BMP7: variants seen among roughly 807,000 people sequenced by gnomAD.
BMP7 encodes the protein bone morphogenetic protein 7.
In BMP7, 12 loss-of-function variants were observed where a neutral mutation model predicts 41.2. The ratio of observed to expected loss-of-function variants is 0.29; its 90% CI spans 0.19 to 0.47. BMP7 has a LOEUF of 0.47. BMP7 is among the 20% of genes least tolerant of loss of function. BMP7 has a pLI of 0.99. For synonymous variants in BMP7, 248 were observed against 250.0 expected, an observed-to-expected ratio of 0.99 and a Z score of 0.07; for missense variants, 467 against 606.0, an observed-to-expected ratio of 0.77 and a Z score of 2.41.
chr20:57,180,769 A>G (rs1420622463), intron 4 of BMP7, among the ~76,000 whole-genome samples: 1 of 152,108 alleles, frequency 6.6e-6, no homozygotes, highest in Non-Finnish European at 1.5e-5. Context: ...GAATCCCTAC[A>G]CACTCTGGGC....
intron 3 of BMP7, among the ~76,000 whole-genome samples, chr20:57,196,675 G>A (rs925699702): frequency 2.6e-5 from 4 of 152,140 alleles, no homozygotes; most frequent in African/African-American, 7.2e-5. Context: ...TCTTAAAATC[G>A]GAAGATAAAA....
intron 1 of BMP7, among the ~76,000 whole-genome samples, chr20:57,243,652 C>T (rs945400906): frequency 5.3e-5 from 8 of 152,076 alleles, no homozygotes; most frequent in South Asian, 2.1e-4. Context: ...AAGCACCTGG[C>T]GAGTGGTATC....
In BMP7 at chr20:57,236,284, A is replaced by T. The variant is rs551857618; in HGVS notation, c.419-7863T>A. On this transcript the variant is annotated intron_variant, in intron 1 of 6. Transcript: ENST00000395863. ...CTGCCCACTGCCGGCCTGGAATGCC[A>T]GGAGGGCGATAACACCATCAGTAGA... 7.4e-4 allele frequency among the ~76,000 whole-genome samples: 112 copies of T among 152,258 alleles called. 1 individual carries two copies. Among genetic ancestry groups the T allele is most frequent in the Non-Finnish European group, 1.5e-3 (105 of 68,052 alleles).
chr20:57,248,741 C>T (rs1015025254), intron 1 of BMP7, among the ~76,000 whole-genome samples: 8 of 152,108 alleles, frequency 5.3e-5, no homozygotes, highest in African/African-American at 1.2e-4. Context: ...TGAAGCCATG[C>T]TAGGCAGGTG....
intron 4 of BMP7, among the ~76,000 whole-genome samples, chr20:57,180,615 A>G (rs1444504637): frequency 2.6e-5 from 4 of 152,184 alleles, no homozygotes; most frequent in Non-Finnish European, 5.9e-5. Flanking sequence ...GGTGTTCGAC[A>G]TTGAATCCTA....
Position 57,266,353 on chromosome 20 carries a change from A to G in BMP7, c.-231T>C. Reference sequence around the variant, plus strand: ...CCCCGCACTCGCCCGGGCGCACCGCAGGGCTTGGAAAGCAGCCCCGGCGAA... The same window carrying G: ...CCCCGCACTCGCCCGGGCGCACCGCGGGGCTTGGAAAGCAGCCCCGGCGAA... On this transcript the variant is annotated 5_prime_UTR_variant, in exon 1 of 7. Coordinates refer to ENST00000395863, the MANE Select transcript of BMP7 (RefSeq NM_001719.3). The G allele has an allele frequency of 3.6e-6, 1 of 274,444 alleles. No homozygotes were observed. Among genetic ancestry groups the G allele is most frequent in the Non-Finnish European group, 6.6e-6 (1 of 152,218 alleles). The allele number at this position is 274,444 out of a possible 1,614,324, so 17.0% of individuals were successfully genotyped here.
Position 57,251,487 on chromosome 20 carries a change from T to A in BMP7, c.418+14218A>T, listed in dbSNP as rs375837783. Among the ~76,000 whole-genome samples the A allele has an allele frequency of 1.4e-4, 21 of 152,316 alleles. No homozygotes were observed. In the East Asian group the frequency reaches 3.9e-3, roughly 28 times the overall value. On this transcript the variant is annotated intron_variant, in intron 1 of 6. Transcript: ENST00000395863. ...CACCCTTGTGGGGACTCAGAGCACA[T>A]GCCTCATGTTAAAGATGCAGAGGAG...
intron 1 of BMP7, among the ~76,000 whole-genome samples, chr20:57,255,799 CAAAAAAAAAAAAAA>C (rs3067106): frequency 3.1e-4 from 15 of 48,624 alleles, no homozygotes; most frequent in Non-Finnish European, 5.0e-4. Flanking sequence ...GACTCCATCT[CAAAAAAAAAAAAAA>C]AAAAAAAAAA....
rs1984953109 is a variant in BMP7 at position 57,213,934 on chromosome 20, A to G, written c.612-11311T>C. Among the ~76,000 whole-genome samples the G allele has an allele frequency of 1.3e-5, 2 of 152,122 alleles. No homozygotes were observed. Among genetic ancestry groups the G allele is most frequent in the South Asian group, 4.2e-4 (2 of 4,818 alleles). Reference sequence around the variant, plus strand: ...TCAAGATGCCAGCGCAAAGCCAGAGACTCAAGGTTCGCAGCTGGTTGGAGC... The same window carrying G: ...TCAAGATGCCAGCGCAAAGCCAGAGGCTCAAGGTTCGCAGCTGGTTGGAGC... On this transcript the variant is annotated intron_variant, in intron 2 of 6. Coordinates refer to ENST00000395863, the MANE Select transcript of BMP7 (RefSeq NM_001719.3). This position sits in a 1 kb window ranked among gnomAD's most constrained non-coding sequence, Gnocchi z 4.4.
intron 5 of BMP7, chr20:57,173,604 C>A (rs376065367): frequency 7.6e-6 from 4 of 525,726 alleles, no homozygotes; most frequent in Non-Finnish European, 1.4e-5. Context: ...CACCACTGCA[C>A]CCCAGCCTGG....
At chr20:57,190,936 C>A (rs1984342461) in intron 3 of BMP7, among the ~76,000 whole-genome samples, 1 of 152,184 alleles carries the variant, frequency 6.6e-6, no homozygotes, top group South Asian at 2.1e-4. Flanking sequence ...GGATGTTTAG[C>A]AGTACCCTTG....
At chr20:57,191,417 G>A (rs6064510) in intron 3 of BMP7, among the ~76,000 whole-genome samples, 61,880 of 151,954 alleles carry the variant, frequency 0.41, 14,656 homozygotes, top group South Asian at 0.56. Context: ...AGAAATGTAG[G>A]CCAGGTGTGG....
chr20:57,177,003 T>C (rs1010392121), intron 4 of BMP7, among the ~76,000 whole-genome samples: 1 of 152,136 alleles, frequency 6.6e-6, no homozygotes, highest in Non-Finnish European at 1.5e-5. Context: ...ATCTGTAAAA[T>C]GGGTGGGACA....
At chr20:57,179,548 C>T (rs1393007202) in intron 4 of BMP7, among the ~76,000 whole-genome samples, 1 of 152,246 alleles carries the variant, frequency 6.6e-6, no homozygotes, top group Non-Finnish European at 1.5e-5. Context: ...GGCTGGCGGG[C>T]AGGAAAGCGA....
chr20:57,173,349 G>T (rs755547528), intron 5 of BMP7, 39 bp from the exon 6 acceptor site: 10 of 1,588,312 alleles, frequency 6.3e-6, no homozygotes, highest in African/African-American at 2.7e-5. Flanking sequence ...CATGCAGAAG[G>T]CCTGAGCCAC....
intron 3 of BMP7, among the ~76,000 whole-genome samples, chr20:57,193,431 A>G (rs1984422717): frequency 1.3e-5 from 2 of 152,216 alleles, no homozygotes; most frequent in South Asian, 4.1e-4. Context: ...ACTACCCAGT[A>G]GTGCCAAGGC....
chr20:57,257,409 G>A (rs1378166085), intron 1 of BMP7, among the ~76,000 whole-genome samples: 1 of 150,706 alleles, frequency 6.6e-6, no homozygotes, highest in Non-Finnish European at 1.5e-5. Context: ...AATGTATATT[G>A]TTAATTAAAA....
chr20:57,224,429 C>G lies in BMP7; in HGVS notation c.611+3800G>C, dbSNP rs1323193263. The G allele has an allele frequency of 6.6e-6, 1 of 152,232 alleles. No individual in the cohort carries two copies. Among genetic ancestry groups the G allele is most frequent in the African/African-American group, 2.4e-5 (1 of 41,442 alleles). 9.4% of individuals were successfully genotyped at this position (152,232 alleles called of 1,614,324 possible). On this transcript the variant is annotated intron_variant, in intron 2 of 6. Coordinates refer to ENST00000395863, the MANE Select transcript of BMP7 (RefSeq NM_001719.3). The surrounding 1 kb of genome is among the most constrained non-coding windows in gnomAD (Gnocchi z 4.8). ...CAGCTCCCAAAGCAGAAGTGTGTCG[C>G]CTACATGTGGGGCAGCGCTGTGGAG...
At chr20:57,258,962 T>C (rs2066144135) in intron 1 of BMP7, among the ~76,000 whole-genome samples, 1 of 152,224 alleles carries the variant, frequency 6.6e-6, no homozygotes, top group Admixed American at 6.5e-5. Context: ...GGTGATATGA[T>C]TTCTATTTCT....
Sources: allele counts gnomAD v4.1 joint callset (sites outside exome capture counted in the v4.1 genomes callset), GRCh38; gene constraint gnomAD v4.1.1; non-coding constraint Gnocchi (gnomAD v3.1); transcripts MANE v1.5; gene names NCBI Gene and HGNC (gene_info 2026-07-23, HGNC 2026-07-21).